ETS1: variants seen among roughly 807,000 people sequenced by gnomAD.
The protein encoded by ETS1 is ETS proto-oncogene 1, transcription factor.
Under a neutral mutation model 58.6 loss-of-function variants are expected in ETS1, and 15 were observed. The ratio of observed to expected loss-of-function variants is 0.26; its 90% CI spans 0.17 to 0.39. ETS1 has a LOEUF of 0.39. Ranked by LOEUF, ETS1 falls within the 10% of genes least tolerant of loss-of-function variation. ETS1 has a pLI of 1.00. For missense variants in ETS1, 417 were observed against 610.5 expected (o/e 0.68, Z 3.34); for synonymous variants, 214 against 218.2 (o/e 0.98, Z 0.17).
intron 8 of ETS1, among the ~76,000 whole-genome samples, chr11:128,473,087 C>T (rs897004611): frequency 6.6e-6 from 1 of 152,060 alleles, no homozygotes; most frequent in African/African-American, 2.4e-5. Context: ...CAGAAACTTC[C>T]TCATGTGATA....
intron 2 of ETS1, among the ~76,000 whole-genome samples, chr11:128,569,315 C>CTTTTTTTTTTTTTTTTTT (rs1864572866): frequency 2.8e-5 from 1 of 35,136 alleles, no homozygotes; most frequent in Non-Finnish European, 6.1e-5. Context: ...GACAGAGTTT[C>CTTTTTTTTTTTTTTTTTT]TTCTTTTTTT....
At chr11:128,512,425 C>T (rs1223248027) in intron 3 of ETS1, among the ~76,000 whole-genome samples, 4 of 152,152 alleles carry the variant, frequency 2.6e-5, no homozygotes, top group Non-Finnish European at 5.9e-5. Flanking sequence ...AACTTAGGTC[C>T]CTGCTTTGGA....
Position 128,566,751 on chromosome 11 carries a change from C to G in ETS1, c.69+6311G>C, listed in dbSNP as rs112691476. 3.4e-4 allele frequency among the ~76,000 whole-genome samples: 51 copies of G among 151,468 alleles called. 1 individual carries two copies. Among genetic ancestry groups the G allele is most frequent in the African/African-American group, 1.1e-3 (47 of 41,140 alleles). ...TGAGCCGAGAGGGCGCCACTGCACT[C>G]CAGCCTGGGCGACAGAGCAAGACAC... is the stretch of plus-strand genomic sequence containing the variant. On this transcript the variant is annotated intron_variant, in intron 2 of 9. Transcript: ENST00000392668.
chr11:128,484,455 G>T (rs552340792), intron 7 of ETS1, among the ~76,000 whole-genome samples: 96 of 152,316 alleles, frequency 6.3e-4, no homozygotes, highest in African/African-American at 2.2e-3. Flanking sequence ...GGGTTTTCCA[G>T]GGTGGCCACT....
At chr11:128,574,361 GT>G (rs1461401290) in intron 1 of ETS1, among the ~76,000 whole-genome samples, 1 of 152,084 alleles carries the variant, frequency 6.6e-6, no homozygotes, top group Non-Finnish European at 1.5e-5. Flanking sequence ...AATAACATTA[GT>G]TTTAAAAAAT....
At chr11:128,571,333 C>A (rs909016862) in intron 2 of ETS1, among the ~76,000 whole-genome samples, 1 of 151,590 alleles carries the variant, frequency 6.6e-6, no homozygotes, top group East Asian at 1.9e-4. Flanking sequence ...AGGAGAATGG[C>A]GTGAACCCGG....
intron 8 of ETS1, among the ~76,000 whole-genome samples, chr11:128,477,155 C>A (rs775415418): frequency 2.6e-5 from 4 of 152,236 alleles, no homozygotes; most frequent in Non-Finnish European, 5.9e-5. Flanking sequence ...GAGATGGATT[C>A]TCTTCCCAGC....
chr11:128,561,413 T>C (rs1864403057), intron 2 of ETS1, among the ~76,000 whole-genome samples: 1 of 152,264 alleles, frequency 6.6e-6, no homozygotes, highest in South Asian at 2.1e-4. Flanking sequence ...CTTGACTTTA[T>C]TTAAAATTTT....
At chr11:128,576,943 C>A (rs1441183743) in intron 1 of ETS1, among the ~76,000 whole-genome samples, 2 of 152,152 alleles carry the variant, frequency 1.3e-5, no homozygotes, top group African/African-American at 4.8e-5. Context: ...CCAGGGTTAG[C>A]GGCTCCTTGT....
chr11:128,498,875 G>C (rs1217587493), intron 3 of ETS1, among the ~76,000 whole-genome samples: 4 of 152,154 alleles, frequency 2.6e-5, no homozygotes, highest in Non-Finnish European at 4.4e-5. Flanking sequence ...TTCCTGCATA[G>C]ATAATTACAC....
chr11:128,565,733 C>A (rs1167048672), intron 2 of ETS1, among the ~76,000 whole-genome samples: 1 of 152,218 alleles, frequency 6.6e-6, no homozygotes, highest in African/African-American at 2.4e-5. Flanking sequence ...CATTATGTTT[C>A]AGCAGTCTCA....
chr11:128,486,589 C>T (rs368806175), intron 5 of ETS1, among the ~76,000 whole-genome samples: 7 of 152,320 alleles, frequency 4.6e-5, no homozygotes, highest in Admixed American at 1.3e-4. Context: ...ATAGATTTTA[C>T]GTTCTCCATT....
chr11:128,573,276 G>A, intron 1 of ETS1, 132 bp from the exon 2 acceptor site: 1 of 641,880 alleles, frequency 1.6e-6, no homozygotes, highest in Non-Finnish European at 2.8e-6. Flanking sequence ...TTGCATGGCA[G>A]GGAAAGCAAT....
rs1565363089 is a variant in ETS1, at chr11:128,463,491, A to C, written c.1242+18T>G. 1 of 1,372,750 alleles carries C rather than the reference A, an allele frequency of 7.3e-7. No individual in the cohort carries two copies. Among genetic ancestry groups the C allele is most frequent in the Admixed American group, 1.7e-5 (1 of 59,648 alleles). The allele number at this position is 1,372,750 out of a possible 1,614,324, so 85.0% of individuals were successfully genotyped here. On this transcript the variant is annotated intron_variant, in intron 9 of 9. Transcript: ENST00000392668. The surrounding 1 kb of genome is among the most constrained non-coding windows in gnomAD (Gnocchi z 4.1). ...CATCCTTCCTCAACACAGTACTCGC[A>C]AGCCCCTCCTTCCTTACCTCATCTG...
At chr11:128,567,520 G>C (rs1347220536) in intron 2 of ETS1, among the ~76,000 whole-genome samples, 1 of 152,132 alleles carries the variant, frequency 6.6e-6, no homozygotes, top group Non-Finnish European at 1.5e-5. Context: ...CTGAACCCCT[G>C]TTTTCATTGA....
At chr11:128,585,283 A>C (rs1028861732) in intron 1 of ETS1, among the ~76,000 whole-genome samples, 2 of 148,354 alleles carry the variant, frequency 1.3e-5, no homozygotes, top group African/African-American at 5.0e-5. Context: ...AAGGAAAAGA[A>C]AAGAAAGATA....
chr11:128,584,987 A>AAAGAAAGG lies in ETS1; in HGVS notation c.-15+2500_-15+2501insCCTTTCTT, dbSNP rs1344750707. Among the ~76,000 whole-genome samples, 17 of 51,220 alleles carry AAAGAAAGG rather than the reference A, an allele frequency of 3.3e-4. 1 individual carries two copies. The East Asian group carries it at 4.6e-3, about 14-fold the overall frequency. The allele number at this position is 51,220 out of a possible 152,430, so 33.6% of individuals were successfully genotyped here. On this transcript the variant is annotated intron_variant, in intron 1 of 9. Transcript: ENST00000392668. ...GAAAGAAAGAAAGAAAGAAAGAAAG[A>AAAGAAAGG]AAGGAAGGAAGGAAGGAAAGAAAGG...
At chr11:128,501,620 T>C (rs1258323186) in intron 3 of ETS1, among the ~76,000 whole-genome samples, 1 of 152,136 alleles carries the variant, frequency 6.6e-6, no homozygotes, top group Non-Finnish European at 1.5e-5. Context: ...AAGCCCCTAA[T>C]AAAAATGTTG....
At chr11:128,522,285 C>T in intron 3 of ETS1, 7 of 1,111,466 alleles carry the variant, frequency 6.3e-6, no homozygotes, top group Non-Finnish European at 7.7e-6. Flanking sequence ...TCTCCGCCGG[C>T]GGCTGCCTCG....
Sources: allele counts gnomAD v4.1 joint callset (sites outside exome capture counted in the v4.1 genomes callset), GRCh38; gene constraint gnomAD v4.1.1; non-coding constraint Gnocchi (gnomAD v3.1); transcripts MANE v1.5; gene names NCBI Gene and HGNC (gene_info 2026-07-23, HGNC 2026-07-21).